Variants in HDLBP observed in about 807,000 individuals in gnomAD.
HDLBP encodes the protein vigilin.
HDLBP carries 30 observed loss-of-function variants against 137.3 expected under a neutral mutation model. The observed-to-expected ratio is 0.22, with a 90% confidence interval of 0.16 to 0.30. HDLBP has a LOEUF of 0.30. HDLBP is among the 10% of genes least tolerant of loss of function. The probability of loss-of-function intolerance (pLI) is 1.00; values close to 1 mark genes in which losing one functional copy is unlikely to be tolerated. For synonymous variants in HDLBP, 606 were observed against 596.0 expected (o/e 1.02, Z -0.24); for missense variants, 1,119 against 1,667.3 (o/e 0.67, Z 5.73).
chr2:241,256,710 T>G lies in HDLBP; in HGVS notation c.547A>C (p.Lys183Gln). Residue 183 changes from lysine (K) to glutamine (Q), a missense_variant, in exon 6 of 28, where the codon AAA becomes CAA. Around this residue, in one of 4 missense-constraint regions of HDLBP, gnomAD observed 425 missense variants for 693.9 expected, o/e 0.61. Coordinates refer to ENST00000310931, the MANE Select transcript of HDLBP (RefSeq NM_005336.6). ...TCATCTGGGCGTGGGATCTGGATTT[T>G]GGTTGCAGTTTTTAGCTCCAAGTCT... The part of the protein sequence containing the change: ...LQDLELKTAT[K>Q]IQIPRPDDPS... 6.2e-7 allele frequency: 1 copy of G among 1,614,250 alleles called. No homozygotes were observed. The highest frequency in any genetic ancestry group is 8.5e-7 in the Non-Finnish European group (1 of 1,180,046).
In HDLBP at chr2:241,235,307, G is replaced by A. The variant is rs776691063; in HGVS notation, c.3010-52C>T. ...GTTCAGGACCCCAGAGAACAGGAAA[G>A]AGTCCATTGGCCCTGGGACCCAGAA... On this transcript the variant is annotated intron_variant, in intron 22 of 27. Coordinates refer to ENST00000310931, the MANE Select transcript of HDLBP (RefSeq NM_005336.6). The A allele has an allele frequency of 2.5e-6, 4 of 1,612,758 alleles. No individual in the cohort carries two copies. In the South Asian group the frequency reaches 3.3e-5, roughly 13 times the overall value.
At chr2:241,277,736 C>T (rs868458980) in intron 1 of HDLBP, among the ~76,000 whole-genome samples, 11 of 151,962 alleles carry the variant, frequency 7.2e-5, no homozygotes, top group Admixed American at 2.0e-4. Flanking sequence ...CCGAGGCGGG[C>T]GGATCACCTG....
At chr2:241,235,450 G>C in intron 22 of HDLBP, 40 bp downstream of exon 22, 2 of 1,528,460 alleles carry the variant, frequency 1.3e-6, no homozygotes, top group Non-Finnish European at 1.8e-6. Context: ...GGATGCGACA[G>C]GCCACTCCTG....
chr2:241,253,379 A>C lies in HDLBP; in HGVS notation c.1293+14T>G, dbSNP rs772098070. Reference sequence around the variant, plus strand: ...TTGTCACCAGCACACACAACATTCCAAGGGGTACCTTACCAAATCTTTGAC... The same window carrying C: ...TTGTCACCAGCACACACAACATTCCCAGGGGTACCTTACCAAATCTTTGAC... On this transcript the variant is annotated intron_variant, in intron 10 of 27. Coordinates refer to ENST00000310931, the MANE Select transcript of HDLBP (RefSeq NM_005336.6). 6.4e-7 allele frequency: 1 copy of C among 1,555,152 alleles called. No individual in the cohort carries two copies. Among genetic ancestry groups the C allele is most frequent in the Admixed American group, 1.7e-5 (1 of 59,926 alleles).
intron 1 of HDLBP, among the ~76,000 whole-genome samples, chr2:241,309,868 A>C (rs1336150186): frequency 1.3e-5 from 2 of 152,232 alleles, no homozygotes; most frequent in African/African-American, 4.8e-5. Flanking sequence ...AAGGGCTACA[A>C]GATATTTCTC....
At chr2:241,282,602 T>A (rs185595581) in intron 1 of HDLBP, among the ~76,000 whole-genome samples, 38 of 152,258 alleles carry the variant, frequency 2.5e-4, no homozygotes, top group African/African-American at 9.2e-4. Flanking sequence ...GGTCTTTCCA[T>A]GCCTCTTTTC....
intron 1 of HDLBP, among the ~76,000 whole-genome samples, chr2:241,307,400 G>A (rs190884180): frequency 6.6e-6 from 1 of 152,204 alleles, no homozygotes; most frequent in South Asian, 2.1e-4. Context: ...GGGTCTCTGG[G>A]ATACAGCTAA....
At chr2:241,270,238 A>G (rs2073951664) in intron 1 of HDLBP, among the ~76,000 whole-genome samples, 1 of 152,122 alleles carries the variant, frequency 6.6e-6, no homozygotes, top group South Asian at 2.1e-4. Flanking sequence ...TCTGAGGGAG[A>G]CCCTGGAGCA....
rs548977707 is a variant in HDLBP, at chr2:241,233,168, C to G, written c.3288+652G>C. ...AGCTGTGCTGGACACGCCTAGGAAG[C>G]AGACACCCCAGCAGGATGCCAGAGC... On this transcript the variant is annotated intron_variant, in intron 24 of 27. Transcript: ENST00000310931. The surrounding 1 kb of genome is among the most constrained non-coding windows in gnomAD (Gnocchi z 4.3). Among the ~76,000 whole-genome samples the G allele has an allele frequency of 9.2e-5, 14 of 152,288 alleles. No homozygotes were observed. The South Asian group carries it at 1.7e-3, about 18-fold the overall frequency.
chr2:241,266,308 C>T (rs2073672692), intron 3 of HDLBP, among the ~76,000 whole-genome samples: 1 of 152,122 alleles, frequency 6.6e-6, no homozygotes, highest in African/African-American at 2.4e-5. Context: ...CACCTGTTCC[C>T]TTTTAATAAG....
intron 2 of HDLBP, chr2:241,267,529 T>C: frequency 6.6e-7 from 1 of 1,505,588 alleles, no homozygotes; most frequent in Non-Finnish European, 8.9e-7. Context: ...ACCAGGATCG[T>C]TCTCCTAACA....
rs968276265 is a variant in HDLBP, at chr2:241,238,170, G to A, written c.2749+479C>T. 3 of 152,548 alleles carry A rather than the reference G, an allele frequency of 2.0e-5. No individual in the cohort carries two copies. The highest frequency in any genetic ancestry group is 6.5e-5 in the Admixed American group (1 of 15,296). The allele number at this position is 152,548 out of a possible 1,614,324, so 9.4% of individuals were successfully genotyped here. A position where few individuals can be genotyped will look rare whatever the true frequency, so the allele number is the denominator to read the frequency against. ...CCACCAGGTGCATGAGCAGAGCTGG[G>A]GGCAAGCATGGTACGGGGAACTGAA... On this transcript the variant is annotated intron_variant, in intron 20 of 27. Coordinates refer to ENST00000310931, the MANE Select transcript of HDLBP (RefSeq NM_005336.6). The surrounding 1 kb of genome is among the most constrained non-coding windows in gnomAD (Gnocchi z 4.9).
chr2:241,240,174 A>G lies in HDLBP; in HGVS notation c.2170-52T>C. 1.9e-6 allele frequency: 3 copies of G among 1,558,790 alleles called. No homozygotes were observed. Among genetic ancestry groups the G allele is most frequent in the Non-Finnish European group, 1.8e-6 (2 of 1,129,574 alleles). ...GCCTGACACCACGTGCCTGGACCAC[A>G]GTGAGGAAGACAAGAGGGTCTGTAG... On this transcript the variant is annotated intron_variant, in intron 17 of 27. Transcript: ENST00000310931. This position sits in a 1 kb window ranked among gnomAD's most constrained non-coding sequence, Gnocchi z 5.5.
chr2:241,247,342 G>C (rs2071761537), intron 14 of HDLBP, 200 bp from the exon 15 acceptor site: 1 of 588,664 alleles, frequency 1.7e-6, no homozygotes, highest in Non-Finnish European at 3.0e-6. Context: ...GTCAATCGAT[G>C]CAAGTCTACT....
At chr2:241,312,124 G>C (rs1106523) in intron 1 of HDLBP, among the ~76,000 whole-genome samples, 5 of 152,154 alleles carry the variant, frequency 3.3e-5, no homozygotes, top group East Asian at 3.9e-4. Context: ...CTCTACAAAT[G>C]ACATGAAGCT....
At chr2:241,264,703 A>C in intron 3 of HDLBP, 98 bp from the exon 4 acceptor site, 1 of 1,179,798 alleles carries the variant, frequency 8.5e-7, no homozygotes, top group Non-Finnish European at 1.2e-6. Flanking sequence ...ACAAACAAGA[A>C]CCATCAAATG....
intron 1 of HDLBP, among the ~76,000 whole-genome samples, chr2:241,305,590 A>C (rs1220893660): frequency 6.6e-6 from 1 of 152,158 alleles, no homozygotes; most frequent in African/African-American, 2.4e-5. Context: ...GGATGTAAGC[A>C]TCTCTGGCCA....
intron 2 of HDLBP, chr2:241,267,813 C>T: frequency 6.8e-7 from 1 of 1,467,542 alleles, no homozygotes; most frequent in African/African-American, 1.4e-5. Context: ...TTCTCCCATC[C>T]CTCCAGGTGT....
At position 241,239,807 on chromosome 2, in the gene HDLBP, T is replaced by G; in HGVS notation, c.2405A>C (p.Glu802Ala). The G allele has an allele frequency of 6.2e-7, 1 of 1,613,860 alleles. No individual in the cohort carries two copies. The highest frequency in any genetic ancestry group is 8.5e-7 in the Non-Finnish European group (1 of 1,179,988). The change falls in exon 19 of 28, where the codon GAA becomes GCA. Residue 802 changes from glutamate to alanine, a missense_variant. Glu to Ala is a moderately radical substitution (Grantham distance 107). Around this residue, in one of 4 missense-constraint regions of HDLBP, gnomAD observed 618 missense variants for 816.7 expected, o/e 0.76. Transcript: ENST00000310931. The surrounding 1 kb of genome is among the most constrained non-coding windows in gnomAD (Gnocchi z 4.6). ...ALIQNLDNVVEDSMLVDPKHH... is the reference protein window; with the variant it reads ...ALIQNLDNVVADSMLVDPKHH... ...CTTGGGGTCCACCAGCATGGAGTCT[T>G]CCACCACATTATCCTGCAGTGTTAA... is the stretch of plus-strand genomic sequence containing the variant.
Sources: allele counts gnomAD v4.1 joint callset (sites outside exome capture counted in the v4.1 genomes callset), GRCh38; gene constraint gnomAD v4.1.1; regional missense constraint gnomAD v4.1.1; non-coding constraint Gnocchi (gnomAD v3.1); transcripts MANE v1.5; gene names NCBI Gene and HGNC (gene_info 2026-07-23, HGNC 2026-07-21).